ZC3HAV1: variants seen among roughly 807,000 people sequenced by gnomAD.
The protein encoded by ZC3HAV1 is zinc finger CCCH-type containing, antiviral 1, also known as zinc finger CCCH-type antiviral protein 1.
A neutral mutation model predicts 86.6 loss-of-function variants in ZC3HAV1; 41 were observed. That is an observed-to-expected ratio of 0.47 (90% CI 0.37 to 0.61). The LOEUF (loss-of-function observed/expected upper bound fraction) is 0.61, where lower values mean the gene tolerates loss of function less well. Ranked by LOEUF, ZC3HAV1 falls within the 20% of genes least tolerant of loss-of-function variation. The pLI, the probability that ZC3HAV1 is intolerant of heterozygous loss-of-function variation, is 0.00. For synonymous variants in ZC3HAV1, 421 were observed against 432.1 expected, an observed-to-expected ratio of 0.97 and a Z score of 0.32; for missense variants, 964 against 1,141.1, an observed-to-expected ratio of 0.84 and a Z score of 2.24.
chr7:139,106,424 C>T (rs1817937554), intron 1 of ZC3HAV1, among the ~76,000 whole-genome samples: 1 of 152,066 alleles, frequency 6.6e-6, no homozygotes, highest in African/African-American at 2.4e-5. Context: ...ACCGGCCTGG[C>T]CAACATCGCG....
intron 8 of ZC3HAV1, 139 bp downstream of exon 8, chr7:139,064,740 T>C: frequency 7.2e-7 from 1 of 1,390,882 alleles, no homozygotes; most frequent in Non-Finnish European, 9.8e-7. Context: ...TGATGGCCAC[T>C]AGCTTGCACT....
chr7:139,056,246 GCCCA>G (rs1430423300), intron 9 of ZC3HAV1, among the ~76,000 whole-genome samples: 2 of 152,144 alleles, frequency 1.3e-5, no homozygotes, highest in East Asian at 3.9e-4. Context: ...AACCTCCTGA[GCCCA>G]AGTGATCCTC....
intron 12 of ZC3HAV1, among the ~76,000 whole-genome samples, chr7:139,051,081 T>C (rs1816108252): frequency 6.6e-6 from 1 of 151,726 alleles, no homozygotes; most frequent in Non-Finnish European, 1.5e-5. Flanking sequence ...TTTCTTTTTT[T>C]TTTTTTTGAG....
chr7:139,064,845 A>G, intron 8 of ZC3HAV1, 34 bp downstream of exon 8: 1 of 1,613,900 alleles, frequency 6.2e-7, no homozygotes. Flanking sequence ...GCGGATTTCA[A>G]TGACACACAA....
intron 1 of ZC3HAV1, among the ~76,000 whole-genome samples, chr7:139,107,146 C>T (rs1023290879): frequency 6.6e-6 from 1 of 152,144 alleles, no homozygotes; most frequent in Non-Finnish European, 1.5e-5. Flanking sequence ...AGTGCTAGAA[C>T]ATGCTAGAAT....
chr7:139,075,718 G>A (rs976097537), intron 6 of ZC3HAV1, among the ~76,000 whole-genome samples: 2 of 152,032 alleles, frequency 1.3e-5, no homozygotes, highest in African/African-American at 4.8e-5. Context: ...AGGATTACAA[G>A]CATGAGCAAC....
intron 5 of ZC3HAV1, among the ~76,000 whole-genome samples, chr7:139,078,245 A>G (rs1817012777): frequency 6.6e-6 from 1 of 152,328 alleles, no homozygotes. Context: ...TCTCAAAACA[A>G]ACAAACAAAA....
chr7:139,058,982 T>C (rs1280610055), intron 9 of ZC3HAV1, among the ~76,000 whole-genome samples: 1 of 150,638 alleles, frequency 6.6e-6, no homozygotes, highest in Non-Finnish European at 1.5e-5. Context: ...ATCTGAATTG[T>C]TAAAAAATCA....
In ZC3HAV1 at chr7:139,089,654, G is replaced by T. The variant is rs1427328514; in HGVS notation, c.414C>A (p.Leu138=). 1 of 1,611,636 alleles carries T rather than the reference G, an allele frequency of 6.2e-7. No individual in the cohort carries two copies. Among genetic ancestry groups the T allele is most frequent in the African/African-American group, 1.3e-5 (1 of 74,854 alleles). ...GCATAAAAAAAGGATCACTTTGGAG[G>T]AGGAGCACTGCTAATTCCTCTTTGT... ...GLNKEELAVL[L]LQSDPFFMPE... Residue 138 remains leucine (L), a synonymous_variant, in exon 2 of 13, where the codon CTC becomes CTA. Transcript: ENST00000242351.
chr7:139,080,688 C>T (rs1817103813), intron 3 of ZC3HAV1, among the ~76,000 whole-genome samples: 2 of 152,118 alleles, frequency 1.3e-5, no homozygotes, highest in Non-Finnish European at 1.5e-5. Context: ...TGACAGTCCC[C>T]GGCTCTCTTC....
intron 2 of ZC3HAV1, among the ~76,000 whole-genome samples, chr7:139,087,077 A>G (rs1817290984): frequency 6.6e-6 from 1 of 152,224 alleles, no homozygotes; most frequent in Non-Finnish European, 1.5e-5. Context: ...TGAAGCAGCG[A>G]TCAGACATGA....
intron 1 of ZC3HAV1, among the ~76,000 whole-genome samples, chr7:139,100,220 G>C (rs1461394133): frequency 1.3e-5 from 2 of 151,970 alleles, no homozygotes; most frequent in African/African-American, 4.8e-5. Context: ...TAGAGATCCA[G>C]AATATATAAA....
rs745601147 is a variant in ZC3HAV1, at chr7:139,080,048, G to C, written c.893C>G (p.Thr298Arg). The change falls in exon 4 of 13, where the codon ACG becomes AGG. Residue 298 changes from threonine to arginine, a missense_variant. By Grantham distance (71) the Thr-to-Arg change is moderately conservative. Coordinates refer to ENST00000242351, the MANE Select transcript of ZC3HAV1 (RefSeq NM_020119.4). ...AGCGCGATCCTGACTCCCCAGATAC[G>C]TGAACTTGCGGGTGAGATCGTCCAC... ...APVDDLTRKF[T>R]YLGSQDRARP... The C allele has an allele frequency of 5.0e-6, 8 of 1,614,062 alleles. No homozygotes were observed. The African/African-American group carries it at 6.7e-5, about 13-fold the overall frequency.
intron 7 of ZC3HAV1, among the ~76,000 whole-genome samples, chr7:139,071,816 C>G (rs933826437): frequency 2.0e-5 from 3 of 152,142 alleles, no homozygotes; most frequent in African/African-American, 7.2e-5. Flanking sequence ...CGTTTAGAGT[C>G]TTTGAAAGAT....
chr7:139,103,250 GTTT>G (rs1817829731), intron 1 of ZC3HAV1, among the ~76,000 whole-genome samples: 1 of 148,920 alleles, frequency 6.7e-6, no homozygotes, highest in Non-Finnish European at 1.5e-5. Flanking sequence ...TATTTTACTT[GTTT>G]TTTATTTTTT....
intron 7 of ZC3HAV1, among the ~76,000 whole-genome samples, chr7:139,073,034 G>A (rs1297202517): frequency 1.3e-5 from 2 of 152,154 alleles, no homozygotes; most frequent in South Asian, 2.1e-4. Flanking sequence ...AGTGGCTCAC[G>A]TCTGTAATCT....
chr7:139,088,043 A>G (rs1584864968), intron 2 of ZC3HAV1, among the ~76,000 whole-genome samples: 3 of 151,078 alleles, frequency 2.0e-5, no homozygotes, highest in Non-Finnish European at 4.4e-5. Context: ...AAAAAAAAAA[A>G]AAAAAAAAAA....
rs1001517595 is a variant in ZC3HAV1 at position 139,109,676 on chromosome 7, GC to G, written c.-346del. 2.1e-5 allele frequency: 5 copies of G among 236,354 alleles called. No homozygotes were observed. The highest frequency in any genetic ancestry group is 1.1e-4 in the African/African-American group (5 of 44,290). 14.6% of individuals were successfully genotyped at this position (236,354 alleles called of 1,614,324 possible). On this transcript the variant is annotated 5_prime_UTR_variant, in exon 1 of 13. Transcript: ENST00000242351. ...GGCTCGGCGAGGGTGAGGTTCTCCA[GC>G]CGGGCTCCGCGAGCCTTCTTTAGAA...
chr7:139,071,742 C>T lies in ZC3HAV1; in HGVS notation c.1872+2114G>A, dbSNP rs74975096. Among the ~76,000 whole-genome samples, 1,121 of 152,266 alleles carry T rather than the reference C, an allele frequency of 7.4e-3. 13 individuals carry two copies. Among genetic ancestry groups the T allele is most frequent in the African/African-American group, 0.026 (1,068 of 41,546 alleles). On this transcript the variant is annotated intron_variant, in intron 7 of 12. Transcript: ENST00000242351. ...GAGAGAAGAGCAACAAGGAGGGGTC[C>T]AGGAGACAGCTCTGAGCCCATATCC...
Sources: gnomAD v4.1 joint callset for allele counts (sites outside exome capture counted in the v4.1 genomes callset) on GRCh38, gnomAD v4.1.1 for gene constraint, MANE v1.5 for transcripts, NCBI Gene and HGNC (gene_info 2026-07-23, HGNC 2026-07-21) for gene names.